The following DLG5 variants were observed in gnomAD, a reference collection of about 807,000 sequenced individuals.
The protein encoded by DLG5 is discs large MAGUK scaffold protein 5, also known as disks large homolog 5.
A neutral mutation model predicts 189.8 loss-of-function variants in DLG5; 48 were observed. That is an observed-to-expected ratio of 0.25 (90% CI 0.20 to 0.32). DLG5 has a LOEUF of 0.32. Among genes scored for constraint, DLG5 ranks in the 10% least tolerant of loss-of-function variants. The probability of loss-of-function intolerance (pLI) is 1.00; values close to 1 mark genes in which losing one functional copy is unlikely to be tolerated. For synonymous variants in DLG5, 1,016 were observed against 1,054.1 expected, an observed-to-expected ratio of 0.96 and a Z score of 0.70; for missense variants, 2,160 against 2,544.7, an observed-to-expected ratio of 0.85 and a Z score of 3.25.
chr10:77,909,274 C>G (rs894390503), intron 1 of DLG5, among the ~76,000 whole-genome samples: 1 of 152,094 alleles, frequency 6.6e-6, no homozygotes, highest in Admixed American at 6.5e-5. Flanking sequence ...CCAAATACTG[C>G]ATGTTCTCAC....
Position 77,812,087 on chromosome 10 carries a change from G to A in DLG5, c.4189-30C>T, listed in dbSNP as rs778490113. 7 of 1,606,080 alleles carry A rather than the reference G, an allele frequency of 4.4e-6. No homozygotes were observed. The South Asian group carries it at 7.7e-5, about 18-fold the overall frequency. ...GGAAACACCAGGATGGGCTCAGTGG[G>A]GGGGTCGGGGCTGTGGACAGGGAGG... On this transcript the variant is annotated intron_variant, in intron 21 of 31. Transcript: ENST00000372391.
Position 77,798,942 on chromosome 10 carries a change from G to A in DLG5, c.5165-2348C>T, listed in dbSNP as rs145661653. 2.5e-3 allele frequency among the ~76,000 whole-genome samples: 376 copies of A among 152,260 alleles called. 2 individuals are homozygous for A. Among genetic ancestry groups the A allele is most frequent in the African/African-American group, 7.9e-3 (328 of 41,520 alleles). On this transcript the variant is annotated intron_variant, in intron 27 of 31. Transcript: ENST00000372391. ...AACAGTGTAATGCAGTGTAATCCCAGCTTTGTTGTATTAAGTAAAAAACTG... is the reference window on the plus strand; with the variant it reads ...AACAGTGTAATGCAGTGTAATCCCAACTTTGTTGTATTAAGTAAAAAACTG...
intron 8 of DLG5, 38 bp downstream of exon 8, chr10:77,835,700 G>C: frequency 6.4e-7 from 1 of 1,574,274 alleles, no homozygotes; most frequent in Non-Finnish European, 8.6e-7. Context: ...TCATCCTGGG[G>C]AGACGCAAGC....
At chr10:77,855,377 G>T (rs1383798016) in intron 3 of DLG5, among the ~76,000 whole-genome samples, 1 of 152,248 alleles carries the variant, frequency 6.6e-6, no homozygotes, top group African/African-American at 2.4e-5. Context: ...AACAAGCTCT[G>T]TGGATGATTC....
chr10:77,940,633 G>T, the DLG5 span, among the ~76,000 whole-genome samples: 2 of 151,992 alleles, frequency 1.3e-5, no homozygotes, highest in African/African-American at 2.4e-5. Context: ...TTTTTCAGGG[G>T]AGGACCCTGA....
At chr10:77,827,777 G>A (rs1002235733) in intron 13 of DLG5, among the ~76,000 whole-genome samples, 2 of 152,176 alleles carry the variant, frequency 1.3e-5, no homozygotes, top group African/African-American at 4.8e-5. Flanking sequence ...GGTAACATTA[G>A]CCAGGCTACA....
chr10:77,931,235 G>A (rs1334336055), upstream of DLG5, among the ~76,000 whole-genome samples: 1 of 151,768 alleles, frequency 6.6e-6, no homozygotes, highest in African/African-American at 2.4e-5. Flanking sequence ...GATTATAGGC[G>A]TGAGCCACTG....
In DLG5 at chr10:77,824,496, A is replaced by G; in HGVS notation, c.2290-20T>C. 1 of 1,603,544 alleles carries G rather than the reference A, an allele frequency of 6.2e-7. No individual in the cohort carries two copies. Among genetic ancestry groups the G allele is most frequent in the Non-Finnish European group, 8.5e-7 (1 of 1,171,732 alleles). On this transcript the variant is annotated intron_variant, in intron 13 of 31. Coordinates refer to ENST00000372391, the MANE Select transcript of DLG5 (RefSeq NM_004747.4). ...ATTGATCTAGAGCAGGACAGAGAGC[A>G]TGTCAGGCCACAGGCAGAGCGGCCT...
In DLG5 at chr10:77,908,576, G is replaced by A. The variant is rs1025351743; in HGVS notation, c.304+17641C>T. 2.6e-5 allele frequency among the ~76,000 whole-genome samples: 4 copies of A among 152,092 alleles called. No homozygotes were observed. In the East Asian group the frequency reaches 5.8e-4, roughly 22 times the overall value. ...AAGCCCTGAATTACCAGACAAACCC[G>A]CCAGTCACAGAATGGATTCTCTCCC... On this transcript the variant is annotated intron_variant, in intron 1 of 31. Coordinates refer to ENST00000372391, the MANE Select transcript of DLG5 (RefSeq NM_004747.4).
chr10:77,845,544 C>A (rs554262351), intron 5 of DLG5: 16 of 151,334 alleles, frequency 1.1e-4, no homozygotes, highest in African/African-American at 3.9e-4. Context: ...GCATTAGATT[C>A]TAGGACTGTA....
At chr10:77,832,000 G>A (rs1842915207) in intron 9 of DLG5, among the ~76,000 whole-genome samples, 1 of 152,136 alleles carries the variant, frequency 6.6e-6, no homozygotes. Context: ...TTGAGGTCAG[G>A]GGTTCAAGAC....
rs1010418741 is a variant in DLG5, at chr10:77,806,799, A to G, written c.4926T>C (p.Asn1642=). The change falls in exon 26 of 32, where the codon AAT becomes AAC. Residue 1642 remains asparagine, a synonymous_variant. Coordinates refer to ENST00000372391, the MANE Select transcript of DLG5 (RefSeq NM_004747.4). ...GSWMAWQLDE[N]AQKIQRGQIP... ...TCTGCCCGCGCTGGATCTTCTGGGCATTCTCGTCCAGCTGCCAAGCCATCC... is the reference window on the plus strand; with the variant it reads ...TCTGCCCGCGCTGGATCTTCTGGGCGTTCTCGTCCAGCTGCCAAGCCATCC... The G allele has an allele frequency of 2.1e-5, 33 of 1,535,234 alleles. No homozygotes were observed. Among genetic ancestry groups the G allele is most frequent in the Non-Finnish European group, 2.6e-5 (30 of 1,133,236 alleles).
intron 23 of DLG5, among the ~76,000 whole-genome samples, chr10:77,810,686 G>A (rs915608590): frequency 6.6e-6 from 1 of 152,224 alleles, no homozygotes; most frequent in African/African-American, 2.4e-5. Flanking sequence ...GCGGCCGGCA[G>A]TGCCCTCCCA....
intron 31 of DLG5, chr10:77,792,798 G>T: frequency 2.2e-6 from 1 of 463,120 alleles, no homozygotes; most frequent in East Asian, 3.6e-5. Context: ...TGCAATGGTT[G>T]GGGGAATCCC....
At chr10:77,862,695 G>A (rs1844517925) in intron 2 of DLG5, among the ~76,000 whole-genome samples, 1 of 152,220 alleles carries the variant, frequency 6.6e-6, no homozygotes, top group Non-Finnish European at 1.5e-5. Flanking sequence ...AAACAACTGT[G>A]TTATGTCCTT....
At chr10:77,825,860 CAA>C (rs1381431624) in intron 13 of DLG5, among the ~76,000 whole-genome samples, 9 of 151,998 alleles carry the variant, frequency 5.9e-5, no homozygotes, top group African/African-American at 1.9e-4. Context: ...CCCGGCCAGT[CAA>C]GTTTTCTTTT....
At position 77,794,058 on chromosome 10, in the gene DLG5, T is replaced by A; in HGVS notation, c.5606A>T (p.Gln1869Leu). Reference protein sequence around the residue: ...DKVTQRHSKEQFEAAQKLEQE... With the variant: ...DKVTQRHSKELFEAAQKLEQE... The stretch of plus-strand genomic sequence containing the variant: ...CTCAAGCTTCTGCGCCGCCTCAAAC[T>A]GCTCTTTGGAATGCCTCTGAGTCAC... Residue 1869 changes from glutamine to leucine, a missense_variant, in exon 31 of 32, where the codon CAG (glutamine) becomes CTG (leucine). Gln to Leu is a moderately radical substitution (Grantham distance 113, BLOSUM62 -2). Transcript: ENST00000372391. 7 of 1,614,200 alleles carry A rather than the reference T, an allele frequency of 4.3e-6. No individual in the cohort carries two copies. Among genetic ancestry groups the A allele is most frequent in the Non-Finnish European group, 5.9e-6 (7 of 1,180,036 alleles).
chr10:77,844,874 G>C (rs566449125), intron 5 of DLG5, among the ~76,000 whole-genome samples: 52 of 152,298 alleles, frequency 3.4e-4, no homozygotes, highest in African/African-American at 1.1e-3. Flanking sequence ...GCAGAGAGGG[G>C]GGCAGGGTCA....
intron 1 of DLG5, among the ~76,000 whole-genome samples, chr10:77,918,084 A>G (rs1036122270): frequency 1.6e-4 from 25 of 151,640 alleles, no homozygotes; most frequent in African/African-American, 6.1e-4. Flanking sequence ...AGTTATTAAA[A>G]TAGTAAATGT....
Sources: allele counts gnomAD v4.1 joint callset (sites outside exome capture counted in the v4.1 genomes callset), GRCh38; gene constraint gnomAD v4.1.1; transcripts MANE v1.5; gene names NCBI Gene and HGNC (gene_info 2026-07-23, HGNC 2026-07-21).